ODAD1: variants seen among roughly 807,000 people sequenced by gnomAD.
The protein encoded by ODAD1 is outer dynein arm docking complex subunit 1, also known as outer dynein arm-docking complex subunit 1.
In ODAD1, 49 loss-of-function variants were observed where a neutral mutation model predicts 67.2. The observed-to-expected ratio is 0.73, with a 90% CI of 0.58 to 0.92. ODAD1 has a LOEUF of 0.92. ODAD1 is among the 40% of genes least tolerant of loss of function. The pLI, the probability that ODAD1 is intolerant of heterozygous loss-of-function variation, is 0.00. For missense variants in ODAD1, 897 were observed against 953.7 expected (o/e 0.94, Z 0.78); for synonymous variants, 345 against 393.7 (o/e 0.88, Z 1.46).
At chr19:48,307,919 G>A (rs1338372360) in intron 7 of ODAD1, among the ~76,000 whole-genome samples, 1 of 151,960 alleles carries the variant, frequency 6.6e-6, no homozygotes, top group Non-Finnish European at 1.5e-5. Context: ...CCAACCCCAG[G>A]GATGGGGCAG....
At chr19:48,316,399 C>T (rs951868694) in intron 5 of ODAD1, among the ~76,000 whole-genome samples, 9 of 151,054 alleles carry the variant, frequency 6.0e-5, no homozygotes, top group African/African-American at 2.2e-4. Flanking sequence ...AACAAACCTG[C>T]CTAACTGTGC....
intron 7 of ODAD1, 51 bp downstream of exon 7, chr19:48,311,502 G>T (rs1224142510): frequency 1.9e-6 from 2 of 1,030,880 alleles, no homozygotes; most frequent in East Asian, 5.2e-5. Context: ...GCTGTGGGGA[G>T]GACCTGCGCA....
At chr19:48,310,890 A>C (rs1968741133) in intron 7 of ODAD1, among the ~76,000 whole-genome samples, 1 of 151,686 alleles carries the variant, frequency 6.6e-6, no homozygotes, top group Admixed American at 6.6e-5. Context: ...TAGCCTGGGC[A>C]ACATGGTGAA....
Position 48,321,909 on chromosome 19 carries a change from C to A in ODAD1, c.-295G>T, listed in dbSNP as rs962517872. On this transcript the variant is annotated 5_prime_UTR_variant, in exon 1 of 16. Coordinates refer to ENST00000674294, the MANE Select transcript of ODAD1 (RefSeq NM_001364171.2). ...CGGTTCACTACGCAAGCGCGACCAA[C>A]GGCTTCCCGGGAAGCAGCCAAAAAC... 3 of 397,674 alleles carry A rather than the reference C, an allele frequency of 7.5e-6. No individual in the cohort carries two copies. The highest frequency in any genetic ancestry group is 4.4e-5 in the Admixed American group (1 of 22,680). The allele number at this position is 397,674 out of a possible 1,614,324, so 24.6% of individuals were successfully genotyped here. A position where few individuals can be genotyped will look rare whatever the true frequency, so the allele number is the denominator to read the frequency against.
At chr19:48,309,356 C>T (rs896016741) in intron 7 of ODAD1, among the ~76,000 whole-genome samples, 11 of 152,118 alleles carry the variant, frequency 7.2e-5, no homozygotes, top group African/African-American at 2.7e-4. Context: ...CCAGGCCTGC[C>T]CATGGCCACC....
chr19:48,317,062 C>T (rs1419401708), intron 5 of ODAD1, among the ~76,000 whole-genome samples: 1 of 152,146 alleles, frequency 6.6e-6, no homozygotes, highest in African/African-American at 2.4e-5. Flanking sequence ...ACGGGGCAAT[C>T]ACAGCTCACT....
chr19:48,316,145 G>A (rs182734670), intron 5 of ODAD1, among the ~76,000 whole-genome samples: 4 of 152,174 alleles, frequency 2.6e-5, no homozygotes, highest in Admixed American at 2.6e-4. Flanking sequence ...TTGGAAGGCC[G>A]AGGCAGGTGG....
At chr19:48,308,229 C>G (rs899932786) in intron 7 of ODAD1, among the ~76,000 whole-genome samples, 7 of 151,436 alleles carry the variant, frequency 4.6e-5, no homozygotes, top group African/African-American at 1.7e-4. Flanking sequence ...GGCTGGAGTG[C>G]AATGGCACAA....
rs1968533624 is a variant in ODAD1 at position 48,303,774 on chromosome 19, C to G, written c.864G>C (p.Val288=). The G allele has an allele frequency of 6.2e-7, 1 of 1,609,446 alleles. No homozygotes were observed. The highest frequency in any genetic ancestry group is 8.5e-7 in the Non-Finnish European group (1 of 1,177,410). Residue 288 remains valine, a synonymous_variant, in exon 10 of 16, where the codon GTG becomes GTC. Coordinates refer to ENST00000674294, the MANE Select transcript of ODAD1 (RefSeq NM_001364171.2). ...LEKREKQAGE[V]AEGVWKTSQE... ...GGGAGGTCTTCCAGACGCCCTCGGC[C>G]ACCTCCCCGGCTAGGGGAAGAGAGA... is the stretch of plus-strand genomic sequence containing the variant.
At position 48,296,712 on chromosome 19, in the gene ODAD1, C is replaced by T. The variant is rs374069461; in HGVS notation, c.*264G>A. 1.0e-4 allele frequency: 132 copies of T among 1,270,774 alleles called. No individual in the cohort carries two copies. In the East Asian group the frequency reaches 2.7e-3, roughly 26 times the overall value. 78.7% of individuals were successfully genotyped at this position (1,270,774 alleles called of 1,614,324 possible). On this transcript the variant is annotated 3_prime_UTR_variant, in exon 16 of 16. Transcript: ENST00000674294. ...GGAAGGGGCAGATATGGAGACAAGA[C>T]GGACAGACACTGACCAGGAAGCCCA...
Position 48,296,758 on chromosome 19 carries a change from C to G in ODAD1, c.*218G>C. 7.2e-7 allele frequency: 1 copy of G among 1,391,614 alleles called. No homozygotes were observed. Among genetic ancestry groups the G allele is most frequent in the South Asian group, 1.7e-5 (1 of 58,332 alleles). The allele number at this position is 1,391,614 out of a possible 1,614,324, so 86.2% of individuals were successfully genotyped here. The stretch of plus-strand genomic sequence containing the variant: ...GCCCAGAGAACAGGAGATCAGGAGT[C>G]AGAGGGAAAAGCAGTGTCAGGAGCA... On this transcript the variant is annotated 3_prime_UTR_variant, in exon 16 of 16. Transcript: ENST00000674294.
intron 14 of ODAD1, 138 bp downstream of exon 14, chr19:48,297,862 A>G: frequency 1.2e-5 from 10 of 842,350 alleles, no homozygotes; most frequent in Non-Finnish European, 1.8e-5. Context: ...CTCGAAGCAC[A>G]TACTTCATAT....
Position 48,296,976 on chromosome 19 carries a change from T to TG in ODAD1, c.2123_2124insC (p.Ter708TyrfsTer?). ...GGGTGGGGGCTGCGTGCCCCTCGTGTTAGCCCCGGGAGTCTTTGCTGGTGG... is the reference window on the plus strand; with the variant it reads ...GGGTGGGGGCTGCGTGCCCCTCGTGTGTAGCCCCGGGAGTCTTTGCTGGTGG... On this transcript the variant is annotated frameshift_variant and stop_lost, in exon 16 of 16. Transcript: ENST00000674294. LOFTEE classifies it high-confidence loss of function. The TG allele has an allele frequency of 6.3e-7, 1 of 1,592,016 alleles. No individual in the cohort carries two copies. Among genetic ancestry groups the TG allele is most frequent in the African/African-American group, 1.3e-5 (1 of 74,380 alleles).
intron 7 of ODAD1, among the ~76,000 whole-genome samples, chr19:48,310,985 G>A (rs1968744321): frequency 6.6e-6 from 1 of 152,136 alleles, no homozygotes; most frequent in Admixed American, 6.6e-5. Flanking sequence ...GGCCGAGGAA[G>A]GCGGATCACG....
intron 5 of ODAD1, 142 bp downstream of exon 5, chr19:48,318,245 G>C: frequency 1.4e-6 from 1 of 711,934 alleles, no homozygotes; most frequent in Non-Finnish European, 2.3e-6. Flanking sequence ...GCCCGCCTCA[G>C]CCTCCCAATG....
At chr19:48,307,413 A>T (rs1158688052) in intron 7 of ODAD1, among the ~76,000 whole-genome samples, 4 of 152,188 alleles carry the variant, frequency 2.6e-5, no homozygotes, top group Non-Finnish European at 4.4e-5. Flanking sequence ...CAACATAGTA[A>T]GACCCCATCT....
chr19:48,310,842 C>T (rs1569008645), intron 7 of ODAD1, among the ~76,000 whole-genome samples: 2 of 151,462 alleles, frequency 1.3e-5, no homozygotes, highest in Admixed American at 6.6e-5. Flanking sequence ...TTTGGGAGGC[C>T]GAGGCAGGCG....
intron 9 of ODAD1, 76 bp downstream of exon 9, chr19:48,303,877 G>C (rs1013618358): frequency 7.0e-6 from 11 of 1,579,894 alleles, no homozygotes; most frequent in Non-Finnish European, 9.5e-6. Flanking sequence ...GTCCCACCTG[G>C]GGCACGAAGG....
At chr19:48,317,592 T>G (rs1043487907) in intron 5 of ODAD1, among the ~76,000 whole-genome samples, 4 of 152,164 alleles carry the variant, frequency 2.6e-5, no homozygotes, top group Non-Finnish European at 4.4e-5. Flanking sequence ...CCAGTCCTGT[T>G]TTTGAATGCC....
Sources: gnomAD v4.1 joint callset for allele counts (sites outside exome capture counted in the v4.1 genomes callset) on GRCh38, gnomAD v4.1.1 for gene constraint, MANE v1.5 for transcripts, NCBI Gene and HGNC (gene_info 2026-07-23, HGNC 2026-07-21) for gene names.